UBE2E2: variants seen among roughly 807,000 people sequenced by gnomAD.
UBE2E2 encodes the protein ubiquitin-conjugating enzyme E2 E2.
In UBE2E2, 6 loss-of-function variants were observed where a neutral mutation model predicts 24.7. The observed-to-expected ratio is 0.24, with a 90% CI of 0.13 to 0.48. The LOEUF (loss-of-function observed/expected upper bound fraction) is 0.48, where lower values mean the gene tolerates loss of function less well. Among genes scored for constraint, UBE2E2 ranks in the 20% least tolerant of loss-of-function variants. The pLI is 0.99. For synonymous variants in UBE2E2, 104 were observed against 83.6 expected (o/e 1.24, Z -1.33); for missense variants, 169 against 245.0 (o/e 0.69, Z 2.07).
intron 3 of UBE2E2, among the ~76,000 whole-genome samples, chr3:23,247,169 C>G (rs1447566885): frequency 6.6e-6 from 1 of 151,964 alleles, no homozygotes; most frequent in Non-Finnish European, 1.5e-5. Flanking sequence ...AAGCCAGTTC[C>G]TAAATAATAA....
chr3:23,301,388 CT>C (rs765729692), intron 3 of UBE2E2, among the ~76,000 whole-genome samples: 3 of 152,160 alleles, frequency 2.0e-5, no homozygotes, highest in Non-Finnish European at 2.9e-5. Context: ...TTTTTCTGCT[CT>C]GTTATTTTCC....
intron 3 of UBE2E2, among the ~76,000 whole-genome samples, chr3:23,498,264 A>G (rs941675157): frequency 5.3e-5 from 8 of 152,122 alleles, no homozygotes; most frequent in Non-Finnish European, 1.2e-4. Context: ...TTTGCATTTA[A>G]ATATTTAATC....
At chr3:23,380,939 G>C (rs1252273968) in intron 3 of UBE2E2, among the ~76,000 whole-genome samples, 1 of 152,090 alleles carries the variant, frequency 6.6e-6, no homozygotes, top group Non-Finnish European at 1.5e-5. Context: ...TTTATAATTT[G>C]GGAACCGTTT....
intron 3 of UBE2E2, among the ~76,000 whole-genome samples, chr3:23,379,384 TCCCTCCC>T (rs1338145030): frequency 7.8e-6 from 1 of 127,902 alleles, no homozygotes; most frequent in African/African-American, 3.0e-5. Flanking sequence ...CCCGATGCTA[TCCCTCCC>T]CCCTCCCCCG....
intron 3 of UBE2E2, among the ~76,000 whole-genome samples, chr3:23,222,004 C>T (rs1342197123): frequency 6.6e-6 from 1 of 151,832 alleles, no homozygotes; most frequent in African/African-American, 2.4e-5. Flanking sequence ...CTCTTGATCC[C>T]CCCACTCCCC....
At chr3:23,319,058 G>C (rs561551351) in intron 3 of UBE2E2, among the ~76,000 whole-genome samples, 2 of 152,170 alleles carry the variant, frequency 1.3e-5, no homozygotes, top group Non-Finnish European at 2.9e-5. Context: ...GAGAGAAACT[G>C]AGAGTCTTTT....
intron 3 of UBE2E2, among the ~76,000 whole-genome samples, chr3:23,291,558 T>C (rs1411193747): frequency 6.6e-6 from 1 of 152,074 alleles, no homozygotes; most frequent in African/African-American, 2.4e-5. Context: ...ACTTAGAAAA[T>C]AACCACCTTC....
chr3:23,542,963 A>G (rs1318212540), intron 5 of UBE2E2, among the ~76,000 whole-genome samples: 1 of 152,172 alleles, frequency 6.6e-6, no homozygotes, highest in Admixed American at 6.5e-5. Context: ...TGTTGATACA[A>G]ATTTTCTTTT....
intron 3 of UBE2E2, among the ~76,000 whole-genome samples, chr3:23,445,855 AT>A (rs1698417514): frequency 6.6e-6 from 1 of 152,116 alleles, no homozygotes; most frequent in African/African-American, 2.4e-5. Flanking sequence ...GCCCTGTAAC[AT>A]ACTAGGATTT....
chr3:23,224,238 A>G (rs370195257), intron 3 of UBE2E2, among the ~76,000 whole-genome samples: 2 of 146,102 alleles, frequency 1.4e-5, no homozygotes, highest in African/African-American at 5.1e-5. Flanking sequence ...GAATCTGTAA[A>G]TTGCTTTGGG....
At chr3:23,449,793 A>T in intron 3 of UBE2E2, 1 of 876,506 alleles carries the variant, frequency 1.1e-6, no homozygotes, top group Non-Finnish European at 1.4e-6. Flanking sequence ...CAGTGTTTTT[A>T]ATATCTCAAC....
chr3:23,392,517 G>A (rs895143698), intron 3 of UBE2E2, among the ~76,000 whole-genome samples: 2 of 152,020 alleles, frequency 1.3e-5, no homozygotes, highest in Non-Finnish European at 2.9e-5. Flanking sequence ...AACAAAACAG[G>A]AAGAAGAAGA....
Position 23,407,518 on chromosome 3 carries a change from CTCT to C in UBE2E2, c.228-92085_228-92083del, listed in dbSNP as rs1697388165. Among the ~76,000 whole-genome samples the C allele has an allele frequency of 2.6e-5, 4 of 152,274 alleles. No homozygotes were observed. The South Asian group carries it at 8.3e-4, about 32-fold the overall frequency. On this transcript the variant is annotated intron_variant, in intron 3 of 5. Transcript: ENST00000396703. The surrounding 1 kb of genome is among the most constrained non-coding windows in gnomAD (Gnocchi z 4.0). ...TGATCCCCTGCTCCCGTACTCATCCCTCTTCTTTCACTACCGTCAACATTTGCT... is the reference window on the plus strand; with the variant it reads ...TGATCCCCTGCTCCCGTACTCATCCCTCTTTCACTACCGTCAACATTTGCT...
chr3:23,438,902 A>G (rs948046441), intron 3 of UBE2E2, among the ~76,000 whole-genome samples: 8 of 152,214 alleles, frequency 5.3e-5, no homozygotes, highest in African/African-American at 9.6e-5. Context: ...ACAACATATT[A>G]GTATTCTGAT....
chr3:23,404,835 A>G (rs1175499818), intron 3 of UBE2E2, among the ~76,000 whole-genome samples: 1 of 152,210 alleles, frequency 6.6e-6, no homozygotes, highest in Admixed American at 6.5e-5. Context: ...AGAAATTTCC[A>G]TCACTTTTCT....
chr3:23,273,690 A>G (rs1698311230), intron 3 of UBE2E2: 1 of 152,268 alleles, frequency 6.6e-6, no homozygotes, highest in African/African-American at 2.4e-5. Flanking sequence ...CTTTTAAAGC[A>G]TCATGAAATA....
At chr3:23,354,926 A>C (rs1014885164) in intron 3 of UBE2E2, among the ~76,000 whole-genome samples, 4 of 152,094 alleles carry the variant, frequency 2.6e-5, no homozygotes, top group African/African-American at 7.2e-5. Context: ...AGACACATGC[A>C]CACGTATGTT....
intron 3 of UBE2E2, among the ~76,000 whole-genome samples, chr3:23,453,515 A>C (rs1698611767): frequency 6.6e-6 from 1 of 152,188 alleles, no homozygotes; most frequent in African/African-American, 2.4e-5. Flanking sequence ...CTCTTTCCAC[A>C]TATTTCACTT....
At chr3:23,284,286 A>G (rs563002082) in intron 3 of UBE2E2, among the ~76,000 whole-genome samples, 1 of 152,292 alleles carries the variant, frequency 6.6e-6, no homozygotes, top group South Asian at 2.1e-4. Flanking sequence ...AAGGCACAGT[A>G]TTTAATTTTA....
Sources: gnomAD v4.1 joint callset for allele counts (sites outside exome capture counted in the v4.1 genomes callset) on GRCh38, gnomAD v4.1.1 for gene constraint, Gnocchi (gnomAD v3.1) non-coding constraint, MANE v1.5 for transcripts, NCBI Gene and HGNC (gene_info 2026-07-23, HGNC 2026-07-21) for gene names.